The following PPP1R9A variants were observed in gnomAD, a reference collection of about 807,000 sequenced individuals.
PPP1R9A encodes protein phosphatase 1 regulatory subunit 9A, also known as neurabin-1.
PPP1R9A carries 59 observed loss-of-function variants against 141.9 expected under a neutral mutation model. That is an observed-to-expected ratio of 0.42 (90% CI 0.34 to 0.52). The LOEUF (loss-of-function observed/expected upper bound fraction) is 0.52. PPP1R9A is among the 20% of genes least tolerant of loss of function. PPP1R9A has a pLI of 0.10. For synonymous variants in PPP1R9A, 500 were observed against 569.7 expected, an observed-to-expected ratio of 0.88 and a Z score of 1.74; for missense variants, 1,444 against 1,611.9, an observed-to-expected ratio of 0.90 and a Z score of 1.78.
chr7:95,041,351 AG>A (rs111816146), intron 2 of PPP1R9A, among the ~76,000 whole-genome samples: 4 of 152,318 alleles, frequency 2.6e-5, no homozygotes, highest in African/African-American at 9.6e-5. Context: ...TCTGAATCTC[AG>A]GAGAAAAAAA....
In PPP1R9A at chr7:95,241,559, A is replaced by G. The variant is rs534635812; in HGVS notation, c.2113-5914A>G. Among the ~76,000 whole-genome samples, 10 of 152,168 alleles carry G rather than the reference A, an allele frequency of 6.6e-5. No homozygotes were observed. In the South Asian group the frequency reaches 1.7e-3, roughly 25 times the overall value. ...TTAATGTGATTACACTGGCAGTTTA[A>G]TGGAAGGTACGGCGAGGCTGGCTCA... On this transcript the variant is annotated intron_variant, in intron 8 of 19. Transcript: ENST00000433360.
At chr7:95,275,368 A>G (rs1052100235) in intron 16 of PPP1R9A, among the ~76,000 whole-genome samples, 3 of 149,640 alleles carry the variant, frequency 2.0e-5, no homozygotes, top group Middle Eastern at 6.9e-3. Context: ...AGATCGCACC[A>G]CTGCACTCCT....
intron 5 of PPP1R9A, among the ~76,000 whole-genome samples, chr7:95,188,544 CTTTGTTTG>C (rs146611213): frequency 2.0e-5 from 3 of 149,544 alleles, no homozygotes; most frequent in Non-Finnish European, 3.0e-5. Context: ...TGCCTGAATA[CTTTGTTTG>C]TTTGTTTGTT....
chr7:95,063,472 A>G (rs1216311755), intron 2 of PPP1R9A, among the ~76,000 whole-genome samples: 1 of 152,112 alleles, frequency 6.6e-6, no homozygotes, highest in Non-Finnish European at 1.5e-5. Context: ...ATTTGAGACA[A>G]GAGAATCACT....
At chr7:94,952,643 C>T (rs949284268) in intron 2 of PPP1R9A, among the ~76,000 whole-genome samples, 15 of 152,112 alleles carry the variant, frequency 9.9e-5, no homozygotes, top group Non-Finnish European at 2.1e-4. Flanking sequence ...TTAATGATTG[C>T]CATTCTAACT....
intron 2 of PPP1R9A, among the ~76,000 whole-genome samples, chr7:94,927,755 A>T (rs1425821744): frequency 2.0e-5 from 3 of 152,212 alleles, no homozygotes; most frequent in African/African-American, 7.2e-5. Flanking sequence ...GTGCTGTGAT[A>T]GAGGTATATA....
chr7:95,169,039 T>G (rs1831704853), intron 5 of PPP1R9A, among the ~76,000 whole-genome samples: 1 of 152,040 alleles, frequency 6.6e-6, no homozygotes, highest in African/African-American at 2.4e-5. Context: ...ACTAAGTGTT[T>G]ATTTAAAGAA....
At chr7:95,061,207 G>A (rs1812184192) in intron 2 of PPP1R9A, among the ~76,000 whole-genome samples, 1 of 152,026 alleles carries the variant, frequency 6.6e-6, no homozygotes, top group African/African-American at 2.4e-5. Flanking sequence ...TGCCTTCCTG[G>A]GCTTGTACTG....
chr7:95,120,213 T>C (rs1279369858), intron 3 of PPP1R9A, among the ~76,000 whole-genome samples: 1 of 152,046 alleles, frequency 6.6e-6, no homozygotes, highest in Admixed American at 6.6e-5. Flanking sequence ...TGCCTCAGCC[T>C]CCCAAAGTTC....
intron 2 of PPP1R9A, among the ~76,000 whole-genome samples, chr7:95,100,443 A>C (rs989888272): frequency 8.5e-5 from 13 of 152,170 alleles, no homozygotes; most frequent in African/African-American, 2.9e-4. Flanking sequence ...TACTATGGAG[A>C]TATGAATTGA....
At chr7:94,970,206 C>A (rs975344486) in intron 2 of PPP1R9A, among the ~76,000 whole-genome samples, 4 of 152,302 alleles carry the variant, frequency 2.6e-5, no homozygotes, top group East Asian at 1.9e-4. Context: ...AAAAAACACT[C>A]CAGCAGCTAG....
intron 8 of PPP1R9A, among the ~76,000 whole-genome samples, chr7:95,243,788 C>T (rs1797769489): frequency 6.6e-6 from 1 of 151,914 alleles, no homozygotes; most frequent in Non-Finnish European, 1.5e-5. Context: ...ACCTGCCCTG[C>T]CTCCCCCAGT....
intron 1 of PPP1R9A, among the ~76,000 whole-genome samples, chr7:94,909,549 T>C (rs905967859): frequency 2.6e-4 from 40 of 152,202 alleles, no homozygotes; most frequent in African/African-American, 9.7e-4. Context: ...ATCGATGAAC[T>C]GCTGGTTTCT....
At chr7:94,934,151 G>A (rs1038247334) in intron 2 of PPP1R9A, among the ~76,000 whole-genome samples, 3 of 152,086 alleles carry the variant, frequency 2.0e-5, no homozygotes, top group African/African-American at 7.2e-5. Context: ...GGTGACCCAG[G>A]AATTATTTGA....
intron 5 of PPP1R9A, among the ~76,000 whole-genome samples, chr7:95,196,318 A>T (rs1585192133): frequency 6.6e-6 from 1 of 152,234 alleles, no homozygotes; most frequent in South Asian, 2.1e-4. Flanking sequence ...TTTTAAAGAC[A>T]GTACTAAGTG....
chr7:95,232,129 A>C (rs1481369884), intron 8 of PPP1R9A, among the ~76,000 whole-genome samples: 1 of 152,170 alleles, frequency 6.6e-6, no homozygotes, highest in Non-Finnish European at 1.5e-5. Context: ...CGCATAAACT[A>C]GAAAATCTAG....
chr7:95,031,383 C>T (rs575476604), intron 2 of PPP1R9A, among the ~76,000 whole-genome samples: 1 of 152,192 alleles, frequency 6.6e-6, no homozygotes, highest in South Asian at 2.1e-4. Context: ...TATTTGGAAT[C>T]CTTTCATAAA....
At chr7:94,970,902 T>C (rs536226211) in intron 2 of PPP1R9A, among the ~76,000 whole-genome samples, 1 of 152,290 alleles carries the variant, frequency 6.6e-6, no homozygotes, top group South Asian at 2.1e-4. Context: ...AAATCTTCTG[T>C]ACCTCTAATT....
chr7:95,047,972 A>G, intron 2 of PPP1R9A, among the ~76,000 whole-genome samples: 1 of 152,324 alleles, frequency 6.6e-6, no homozygotes, highest in East Asian at 1.9e-4. Flanking sequence ...GTATTATTAA[A>G]CAAGAGTAAG....
Sources: allele counts gnomAD v4.1 joint callset (sites outside exome capture counted in the v4.1 genomes callset), GRCh38; gene constraint gnomAD v4.1.1; transcripts MANE v1.5; gene names NCBI Gene and HGNC (gene_info 2026-07-23, HGNC 2026-07-21).